Variants in DENND1A observed in about 807,000 individuals in gnomAD.
DENND1A encodes the protein DENN domain containing 1A, also known as DENN domain-containing protein 1A.
DENND1A carries 51 observed loss-of-function variants against 113.7 expected under a neutral mutation model. The ratio of observed to expected loss-of-function variants is 0.45; its 90% CI spans 0.36 to 0.57. DENND1A has a LOEUF of 0.57. DENND1A is among the 20% of genes least tolerant of loss of function. The pLI is 0.00. For missense variants in DENND1A, 1,258 were observed against 1,395.9 expected (o/e 0.90, Z 1.57); for synonymous variants, 565 against 570.8 (o/e 0.99, Z 0.14).
intron 2 of DENND1A, among the ~76,000 whole-genome samples, chr9:123,865,765 A>G (rs188022236): frequency 1.0e-3 from 153 of 152,326 alleles, no homozygotes; most frequent in Admixed American, 3.0e-3. Flanking sequence ...GGGAACTAAA[A>G]CAAGGAAGGA....
chr9:123,590,673 T>C (rs764889199), intron 11 of DENND1A, among the ~76,000 whole-genome samples: 10 of 152,218 alleles, frequency 6.6e-5, no homozygotes, highest in Non-Finnish European at 1.3e-4. Flanking sequence ...ATTGTGGTGG[T>C]TTCATGATCG....
chr9:123,675,529 G>C (rs1300514635), intron 6 of DENND1A, among the ~76,000 whole-genome samples: 2 of 151,902 alleles, frequency 1.3e-5, no homozygotes, highest in African/African-American at 4.8e-5. Context: ...ACGTTCAACA[G>C]AAAAAAATTA....
chr9:123,656,866 C>T (rs994256186), intron 8 of DENND1A, among the ~76,000 whole-genome samples: 11 of 152,218 alleles, frequency 7.2e-5, no homozygotes, highest in African/African-American at 2.4e-4. Context: ...CAAAAGGTCT[C>T]GGTTTTCTTA....
In DENND1A at chr9:123,538,853, T is replaced by TACAC. The variant is rs1169453295; in HGVS notation, c.993+18716_993+18717insGTGT. On this transcript the variant is annotated intron_variant, in intron 13 of 23. Transcript: ENST00000394215. ...ATATATATATATATATATATATATATATATATGAATTCATACATATTTATG... is the reference window on the plus strand; with the variant it reads ...ATATATATATATATATATATATATATACACATATATGAATTCATACATATTTATG... 7.8e-4 allele frequency among the ~76,000 whole-genome samples: 83 copies of TACAC among 106,174 alleles called. 5 individuals are homozygous for TACAC. Among genetic ancestry groups the TACAC allele is most frequent in the South Asian group, 1.2e-3 (4 of 3,318 alleles). The allele number at this position is 106,174 out of a possible 152,430, so 69.7% of individuals were successfully genotyped here.
chr9:123,646,122 G>T (rs529294633), intron 9 of DENND1A, among the ~76,000 whole-genome samples: 22 of 152,276 alleles, frequency 1.4e-4, no homozygotes, highest in Middle Eastern at 3.4e-3. Context: ...TCCCATTATA[G>T]AATTTATTAA....
chr9:123,432,994 C>T (rs771796028), intron 19 of DENND1A, among the ~76,000 whole-genome samples: 1 of 152,132 alleles, frequency 6.6e-6, no homozygotes, highest in Non-Finnish European at 1.5e-5. Context: ...CTGAGAGCCT[C>T]GGTGAAGGCC....
chr9:123,694,268 T>C (rs1259790256), intron 5 of DENND1A, among the ~76,000 whole-genome samples: 1 of 152,202 alleles, frequency 6.6e-6, no homozygotes, highest in Non-Finnish European at 1.5e-5. Flanking sequence ...TAAGAAATCA[T>C]GCCCATCCCA....
rs1831985623 is a variant in DENND1A, at chr9:123,785,406, A to AT, written c.132+7180_132+7181insA. 3.9e-5 allele frequency among the ~76,000 whole-genome samples: 6 copies of AT among 152,298 alleles called. No homozygotes were observed. In the South Asian group the frequency reaches 1.2e-3, roughly 32 times the overall value. ...GTGTTTTTTCTTCAGCAAACACTTT[A>AT]AAAAGCACCTTGACATTTGTCCAAG... On this transcript the variant is annotated intron_variant, in intron 3 of 23. Transcript: ENST00000394215.
intron 2 of DENND1A, among the ~76,000 whole-genome samples, chr9:123,826,410 TA>T (rs1315976405): frequency 2.0e-5 from 3 of 151,992 alleles, no homozygotes; most frequent in East Asian, 3.9e-4. Context: ...TCTATAAAAA[TA>T]AAAATAAAAT....
At chr9:123,632,066 T>C (rs1161639839) in intron 9 of DENND1A, among the ~76,000 whole-genome samples, 2 of 151,976 alleles carry the variant, frequency 1.3e-5, no homozygotes, top group Admixed American at 6.6e-5. Flanking sequence ...GGCGAAAGAG[T>C]GACGTGCCAA....
intron 2 of DENND1A, among the ~76,000 whole-genome samples, chr9:123,876,662 T>C (rs1847514810): frequency 6.6e-6 from 1 of 152,218 alleles, no homozygotes; most frequent in Non-Finnish European, 1.5e-5. Context: ...CGCACTGGAC[T>C]GTCCTTGTAA....
At chr9:123,413,836 C>T (rs1367299495) in intron 19 of DENND1A, 4 of 984,876 alleles carry the variant, frequency 4.1e-6, no homozygotes, top group Non-Finnish European at 4.8e-6. Context: ...AGCCCCCCCA[C>T]CCCTCAATTC....
At chr9:123,445,390 G>T (rs2047228772) in intron 18 of DENND1A, among the ~76,000 whole-genome samples, 1 of 152,252 alleles carries the variant, frequency 6.6e-6, no homozygotes, top group Non-Finnish European at 1.5e-5. Flanking sequence ...CAAGGAGGTG[G>T]AAGGTTTGAA....
At chr9:123,535,135 G>A (rs766241225) in intron 13 of DENND1A, among the ~76,000 whole-genome samples, 1 of 152,202 alleles carries the variant, frequency 6.6e-6, no homozygotes, top group Non-Finnish European at 1.5e-5. Flanking sequence ...TCTCTCCCTA[G>A]ACCCTTGACT....
At chr9:123,631,047 A>T (rs1462934311) in intron 9 of DENND1A, among the ~76,000 whole-genome samples, 3 of 152,240 alleles carry the variant, frequency 2.0e-5, no homozygotes, top group African/African-American at 7.2e-5. Context: ...CATACAGGTC[A>T]ATAATTTGTA....
At chr9:123,594,937 T>C (rs1349997967) in intron 11 of DENND1A, among the ~76,000 whole-genome samples, 1 of 152,184 alleles carries the variant, frequency 6.6e-6, no homozygotes, top group African/African-American at 2.4e-5. Flanking sequence ...TATTCTAAAC[T>C]CTTTATTTCC....
intron 5 of DENND1A, among the ~76,000 whole-genome samples, chr9:123,735,224 G>A (rs575164177): frequency 3.9e-4 from 59 of 152,250 alleles, no homozygotes; most frequent in Non-Finnish European, 7.1e-4. Flanking sequence ...ATTTCTAGAT[G>A]TTCTAAACCA....
At chr9:123,455,296 A>C (rs553698636) in intron 15 of DENND1A, among the ~76,000 whole-genome samples, 1 of 152,324 alleles carries the variant, frequency 6.6e-6, no homozygotes, top group East Asian at 1.9e-4. Context: ...GCTGGAGGTC[A>C]GGCTCCGAGG....
intron 21 of DENND1A, chr9:123,402,456 G>A (rs1460352187): frequency 7.5e-6 from 4 of 530,274 alleles, no homozygotes; most frequent in Non-Finnish European, 1.5e-5. Context: ...ACTCTGACTG[G>A]GACCTGCCAT....
Sources: allele counts gnomAD v4.1 joint callset (sites outside exome capture counted in the v4.1 genomes callset), GRCh38; gene constraint gnomAD v4.1.1; transcripts MANE v1.5; gene names NCBI Gene and HGNC (gene_info 2026-07-23, HGNC 2026-07-21).